KALRN: variants seen among roughly 807,000 people sequenced by gnomAD.
KALRN encodes kalirin RhoGEF kinase.
A neutral mutation model predicts 353.7 loss-of-function variants in KALRN; 70 were observed. The ratio of observed to expected loss-of-function variants is 0.20; its 90% CI spans 0.16 to 0.24. The LOEUF (loss-of-function observed/expected upper bound fraction) is 0.24. Among genes scored for constraint, KALRN ranks in the 10% least tolerant of loss-of-function variants. The pLI is 1.00. For missense variants in KALRN, 2,791 were observed against 3,756.7 expected (o/e 0.74, Z 6.72); for synonymous variants, 1,391 against 1,434.8 (o/e 0.97, Z 0.69).
Position 124,334,046 on chromosome 3 carries a change from C to G in KALRN, c.1417-219C>G, listed in dbSNP as rs2080873926. On this transcript the variant is annotated intron_variant, in intron 8 of 59. Coordinates refer to ENST00000682506, the MANE Select transcript of KALRN (RefSeq NM_001388419.1). The surrounding 1 kb of genome is among the most constrained non-coding windows in gnomAD (Gnocchi z 4.2). ...GAGTCTCACAGACAACTGGCCAGCACTCCAGCAACTCCCACATCAGGGGAT... is the reference window on the plus strand; with the variant it reads ...GAGTCTCACAGACAACTGGCCAGCAGTCCAGCAACTCCCACATCAGGGGAT... Among the ~76,000 whole-genome samples the G allele has an allele frequency of 6.6e-6, 1 of 152,226 alleles. No homozygotes were observed. The highest frequency in any genetic ancestry group is 6.5e-5 in the Admixed American group (1 of 15,288).
chr3:124,287,764 T>C (rs1283729481), intron 5 of KALRN, among the ~76,000 whole-genome samples: 1 of 128,554 alleles, frequency 7.8e-6, no homozygotes, highest in African/African-American at 3.1e-5. Flanking sequence ...TGGTAGGGCC[T>C]AGGAAGATAT....
intron 1 of KALRN, among the ~76,000 whole-genome samples, chr3:124,132,562 G>A (rs1452019568): frequency 6.6e-6 from 1 of 152,184 alleles, no homozygotes; most frequent in African/African-American, 2.4e-5. Flanking sequence ...CCTCTGGTCA[G>A]CCTGGGCAGA....
intron 30 of KALRN, 126 bp downstream of exon 30, chr3:124,491,010 G>T (rs981853922): frequency 3.7e-6 from 3 of 812,852 alleles, no homozygotes; most frequent in East Asian, 2.6e-5. Context: ...CTGGACAAAT[G>T]AAAATGTCTC....
chr3:124,673,009 C>G (rs192355248), intron 48 of KALRN, among the ~76,000 whole-genome samples: 27 of 152,262 alleles, frequency 1.8e-4, no homozygotes, highest in Admixed American at 1.6e-3. Context: ...TGATTTGTTC[C>G]GTCACATCAC....
At position 124,434,390 on chromosome 3, in the gene KALRN, C is replaced by T. The variant is rs372668030; in HGVS notation, c.2913C>T (p.Ala971=). ...AGAAAGCCGAGGTGCTGCTCCAGGC[C>T]GGCCACTACGATGCCGATGCCATCC... ...VQQKAEVLLQ[A]GHYDADAIRE... Residue 971 remains alanine, a synonymous_variant, in exon 17 of 60, where the codon GCC becomes GCT. Transcript: ENST00000682506. The T allele has an allele frequency of 2.8e-5, 45 of 1,614,100 alleles. No homozygotes were observed. In the East Asian group the frequency reaches 3.1e-4, roughly 11 times the overall value.
chr3:124,650,389 G>A (rs139116344), intron 37 of KALRN, among the ~76,000 whole-genome samples: 10 of 152,340 alleles, frequency 6.6e-5, no homozygotes, highest in African/African-American at 2.4e-4. Flanking sequence ...ATCATTCAGT[G>A]ACTAGCAGGT....
chr3:124,516,721 C>T (rs565248849), intron 33 of KALRN, among the ~76,000 whole-genome samples: 2 of 150,172 alleles, frequency 1.3e-5, no homozygotes, highest in Non-Finnish European at 3.0e-5. Flanking sequence ...GCTGATGCCA[C>T]CTTCCATGCT....
intron 33 of KALRN, among the ~76,000 whole-genome samples, chr3:124,533,656 C>A (rs1022782801): frequency 1.6e-4 from 25 of 152,058 alleles, no homozygotes; most frequent in Non-Finnish European, 2.8e-4. Context: ...GTCAAAAAAA[C>A]CAAAAACAAA....
chr3:124,531,200 C>T lies in KALRN; in HGVS notation c.4936-31643C>T, dbSNP rs180951288. ...CATAGACCTACTCAATCACAAAGAG[C>T]CCAGGAAAAGCAATTGAGTTATATA... On this transcript the variant is annotated intron_variant, in intron 33 of 59. Coordinates refer to ENST00000682506, the MANE Select transcript of KALRN (RefSeq NM_001388419.1). Among the ~76,000 whole-genome samples the T allele has an allele frequency of 6.6e-4, 100 of 152,254 alleles. 2 individuals are homozygous for T. In the East Asian group the frequency reaches 0.014, roughly 21 times the overall value.
chr3:124,517,402 C>G (rs1368552945), intron 33 of KALRN, among the ~76,000 whole-genome samples: 2 of 152,128 alleles, frequency 1.3e-5, no homozygotes, highest in Non-Finnish European at 1.5e-5. Flanking sequence ...TTCCATGCGG[C>G]AAGTGTGATA....
chr3:124,347,474 G>A (rs940408105), intron 10 of KALRN, among the ~76,000 whole-genome samples: 1 of 151,894 alleles, frequency 6.6e-6, no homozygotes. Flanking sequence ...ACCTGTGGCT[G>A]CTGGGCTGCC....
At chr3:124,673,648 G>GTATGTAT (rs1553725658) in intron 48 of KALRN, among the ~76,000 whole-genome samples, 1 of 151,808 alleles carries the variant, frequency 6.6e-6, no homozygotes, top group Non-Finnish European at 1.5e-5. Flanking sequence ...TGTATATACT[G>GTATGTAT]AAGAATTTCT....
intron 1 of KALRN, among the ~76,000 whole-genome samples, chr3:124,083,926 A>T (rs1446220193): frequency 2.0e-5 from 3 of 152,200 alleles, no homozygotes; most frequent in Admixed American, 2.0e-4. Context: ...TGGTTTTGTT[A>T]TGTCTCATCC....
At chr3:124,554,533 G>A (rs568885307) in intron 33 of KALRN, among the ~76,000 whole-genome samples, 10 of 152,054 alleles carry the variant, frequency 6.6e-5, no homozygotes, top group African/African-American at 2.4e-4. Flanking sequence ...TTCCCTTTAT[G>A]TAACAGCTTG....
intron 1 of KALRN, among the ~76,000 whole-genome samples, chr3:124,177,188 T>A (rs1226765081): frequency 6.6e-6 from 1 of 152,086 alleles, no homozygotes; most frequent in East Asian, 1.9e-4. Flanking sequence ...GGCCTGGGAG[T>A]CTGAGGACTC....
At chr3:124,683,747 C>T (rs554235075) in intron 51 of KALRN, among the ~76,000 whole-genome samples, 2 of 152,266 alleles carry the variant, frequency 1.3e-5, no homozygotes, top group South Asian at 4.1e-4. Flanking sequence ...AGTCATATAC[C>T]AGCCACCAGA....
At position 124,134,590 on chromosome 3, in the gene KALRN, C is replaced by T. The variant is rs186393423; in HGVS notation, c.74-93400C>T. Among the ~76,000 whole-genome samples, 295 of 152,270 alleles carry T rather than the reference C, an allele frequency of 1.9e-3. 1 individual carries two copies. The highest frequency in any genetic ancestry group is 3.1e-3 in the Non-Finnish European group (211 of 68,020). On this transcript the variant is annotated intron_variant, in intron 1 of 59. Coordinates refer to ENST00000682506, the MANE Select transcript of KALRN (RefSeq NM_001388419.1). ...AACAGTCAGCAGAGTAAACAGACAA[C>T]CCACTGAGTGGGAGAAAATCTTCAC...
At chr3:124,236,728 G>A (rs2079819029) in intron 3 of KALRN, among the ~76,000 whole-genome samples, 1 of 152,174 alleles carries the variant, frequency 6.6e-6, no homozygotes, top group Non-Finnish European at 1.5e-5. Flanking sequence ...AAAAAGAAAA[G>A]ATTTCCGCTG....
rs750717363 is a variant in KALRN, at chr3:124,334,536, G to T, written c.1647+41G>T. 1.4e-6 allele frequency: 2 copies of T among 1,427,112 alleles called. No individual in the cohort carries two copies. Among genetic ancestry groups the T allele is most frequent in the East Asian group, 4.8e-5 (2 of 41,928 alleles). The allele number at this position is 1,427,112 out of a possible 1,614,324, so 88.4% of individuals were successfully genotyped here. On this transcript the variant is annotated intron_variant, in intron 9 of 59. Coordinates refer to ENST00000682506, the MANE Select transcript of KALRN (RefSeq NM_001388419.1). The surrounding 1 kb of genome is among the most constrained non-coding windows in gnomAD (Gnocchi z 4.2). ...CCCCGGTGTCCATTATCCATTCTAG[G>T]AGGCAGACCGAGCTCAAGTCCCTGA...
Sources: allele counts gnomAD v4.1 joint callset (sites outside exome capture counted in the v4.1 genomes callset), GRCh38; gene constraint gnomAD v4.1.1; non-coding constraint Gnocchi (gnomAD v3.1); transcripts MANE v1.5; gene names NCBI Gene and HGNC (gene_info 2026-07-23, HGNC 2026-07-21).